The following DLG2 variants were observed in gnomAD, a reference collection of about 807,000 sequenced individuals.
DLG2 encodes discs large MAGUK scaffold protein 2.
Under a neutral mutation model 132.5 loss-of-function variants are expected in DLG2, and 45 were observed. The observed-to-expected ratio is 0.34, with a 90% CI of 0.27 to 0.44. DLG2 has a LOEUF of 0.44. DLG2 is among the 20% of genes least tolerant of loss of function. DLG2 has a pLI of 1.00. For synonymous variants in DLG2, 424 were observed against 419.6 expected (o/e 1.01, Z -0.13); for missense variants, 1,045 against 1,196.9 (o/e 0.87, Z 1.87).
At chr11:83,511,215 T>G (rs2095017406) in intron 21 of DLG2, among the ~76,000 whole-genome samples, 1 of 152,100 alleles carries the variant, frequency 6.6e-6, no homozygotes. Context: ...GTAAACCAAT[T>G]GTCACTTTAA....
chr11:84,116,723 A>T (rs890045388), intron 9 of DLG2, among the ~76,000 whole-genome samples: 1 of 152,210 alleles, frequency 6.6e-6, no homozygotes, highest in African/African-American at 2.4e-5. Context: ...AAGTAAAGCT[A>T]AAGTCCTAAC....
Position 85,535,320 on chromosome 11 carries a change from T to C in DLG2, c.40+63337A>G, listed in dbSNP as rs1323078521. 2.6e-5 allele frequency among the ~76,000 whole-genome samples: 4 copies of C among 152,136 alleles called. No individual in the cohort carries two copies. The East Asian group carries it at 7.7e-4, about 29-fold the overall frequency. ...TTACAGTATTGCTAGTACCATATAA[T>C]GTTTACTTCCATAAAGATTATACCA... On this transcript the variant is annotated intron_variant, in intron 3 of 27. Transcript: ENST00000376104.
chr11:85,105,363 A>C (rs2071567403), intron 6 of DLG2, among the ~76,000 whole-genome samples: 1 of 151,950 alleles, frequency 6.6e-6, no homozygotes, highest in Admixed American at 6.6e-5. Flanking sequence ...AACTGGTGTA[A>C]GTCTAAAATA....
At chr11:85,030,869 AT>A (rs2060941579) in intron 6 of DLG2, among the ~76,000 whole-genome samples, 1 of 151,266 alleles carries the variant, frequency 6.6e-6, no homozygotes, top group South Asian at 2.1e-4. Context: ...TTCGATTTTT[AT>A]TTTTGATAAT....
chr11:85,344,333 T>C (rs1429423713), intron 3 of DLG2, among the ~76,000 whole-genome samples: 2 of 152,154 alleles, frequency 1.3e-5, no homozygotes, highest in Non-Finnish European at 2.9e-5. Flanking sequence ...CTCATAGAGA[T>C]TGTCCCTAAT....
intron 18 of DLG2, among the ~76,000 whole-genome samples, chr11:83,681,109 AT>A (rs2078710287): frequency 6.6e-6 from 1 of 152,188 alleles, no homozygotes; most frequent in Admixed American, 6.5e-5. Flanking sequence ...TTTGAAAAAA[AT>A]GTCCTTGCTA....
At chr11:83,729,687 C>T (rs527933954) in intron 18 of DLG2, among the ~76,000 whole-genome samples, 55 of 152,226 alleles carry the variant, frequency 3.6e-4, no homozygotes, top group African/African-American at 1.3e-3. Context: ...GCAGTCAATT[C>T]GGTGGAATTG....
At chr11:84,197,439 G>A (rs2096536702) in intron 8 of DLG2, among the ~76,000 whole-genome samples, 2 of 152,158 alleles carry the variant, frequency 1.3e-5, no homozygotes, top group African/African-American at 4.8e-5. Context: ...TTCTCCAGAA[G>A]TTAAGGATCT....
intron 19 of DLG2, among the ~76,000 whole-genome samples, chr11:83,561,964 C>T (rs2096618891): frequency 7.4e-6 from 1 of 134,250 alleles, no homozygotes; most frequent in Admixed American, 8.1e-5. Context: ...TCTTGGCTTA[C>T]TGCAACCTTC....
intron 8 of DLG2, among the ~76,000 whole-genome samples, chr11:84,235,324 C>T (rs980509498): frequency 2.0e-5 from 3 of 152,180 alleles, no homozygotes; most frequent in Non-Finnish European, 4.4e-5. Context: ...GGAGCTGTAT[C>T]GAGGGCCGTA....
At chr11:84,548,997 G>A (rs1178332499) in intron 6 of DLG2, among the ~76,000 whole-genome samples, 1 of 152,162 alleles carries the variant, frequency 6.6e-6, no homozygotes, top group Non-Finnish European at 1.5e-5. Flanking sequence ...ACATGATCAA[G>A]TATTTGCTTT....
intron 6 of DLG2, among the ~76,000 whole-genome samples, chr11:84,672,434 T>C (rs1418332758): frequency 2.0e-5 from 3 of 152,108 alleles, no homozygotes; most frequent in African/African-American, 7.2e-5. Context: ...ATAAAGCATA[T>C]ACAGAAAGTC....
chr11:84,736,597 A>AT (rs537314417), intron 6 of DLG2, among the ~76,000 whole-genome samples: 13 of 151,818 alleles, frequency 8.6e-5, no homozygotes, highest in African/African-American at 2.9e-4. Flanking sequence ...CAATGTACTG[A>AT]TTTTTTTCAC....
At chr11:83,477,627 CTTTG>C (rs2092719367) in intron 22 of DLG2, among the ~76,000 whole-genome samples, 1 of 151,908 alleles carries the variant, frequency 6.6e-6, no homozygotes, top group Non-Finnish European at 1.5e-5. Flanking sequence ...GGGCCTAGGT[CTTTG>C]TTTCTAACTC....
At chr11:85,428,630 G>A (rs150003494) in intron 3 of DLG2, among the ~76,000 whole-genome samples, 5,334 of 152,266 alleles carry the variant, frequency 0.035, 144 homozygotes, top group Admixed American at 0.051. Context: ...TCAAAGCAGT[G>A]TGTAGAGGGA....
intron 6 of DLG2, among the ~76,000 whole-genome samples, chr11:85,049,974 T>C (rs973390609): frequency 2.0e-5 from 3 of 152,102 alleles, no homozygotes; most frequent in Non-Finnish European, 4.4e-5. Flanking sequence ...ACATCTATGA[T>C]GGGAATCTCT....
chr11:83,792,524 A>G (rs776953903), intron 17 of DLG2, among the ~76,000 whole-genome samples: 1 of 152,154 alleles, frequency 6.6e-6, no homozygotes, highest in African/African-American at 2.4e-5. Flanking sequence ...TCTTGTATAT[A>G]CTACTAATTA....
At chr11:84,706,607 T>G (rs1391901385) in intron 6 of DLG2, among the ~76,000 whole-genome samples, 1 of 151,584 alleles carries the variant, frequency 6.6e-6, no homozygotes, top group East Asian at 1.9e-4. Flanking sequence ...AAACTTACTT[T>G]GGAAAATCTG....
intron 11 of DLG2, among the ~76,000 whole-genome samples, chr11:84,053,644 A>G (rs921382237): frequency 1.3e-5 from 2 of 152,134 alleles, no homozygotes; most frequent in African/African-American, 4.8e-5. Context: ...TATGAATTAC[A>G]TATTTAGATA....
Sources: gnomAD v4.1 joint callset for allele counts (sites outside exome capture counted in the v4.1 genomes callset) on GRCh38, gnomAD v4.1.1 for gene constraint, MANE v1.5 for transcripts, NCBI Gene and HGNC (gene_info 2026-07-23, HGNC 2026-07-21) for gene names.